The following MGAT4C variants were observed in gnomAD, a reference collection of about 807,000 sequenced individuals.
The protein encoded by MGAT4C is alpha-1,3-mannosyl-glycoprotein 4-beta-N-acetylglucosaminyltransferase C.
A neutral mutation model predicts 40.1 loss-of-function variants in MGAT4C; 19 were observed. The ratio of observed to expected loss-of-function variants is 0.47; its 90% CI spans 0.33 to 0.70. The LOEUF (loss-of-function observed/expected upper bound fraction) is 0.70, where lower values mean the gene tolerates loss of function less well. MGAT4C is among the 30% of genes least tolerant of loss of function. The pLI, the probability that MGAT4C is intolerant of heterozygous loss-of-function variation, is 0.02. For missense variants in MGAT4C, 491 were observed against 563.2 expected (o/e 0.87, Z 1.30); for synonymous variants, 181 against 187.1 (o/e 0.97, Z 0.27).
chr12:86,665,242 G>A (rs1168872047), intron 2 of MGAT4C, among the ~76,000 whole-genome samples: 1 of 152,178 alleles, frequency 6.6e-6, no homozygotes, highest in African/African-American at 2.4e-5. Flanking sequence ...AGCCCCAAGT[G>A]AGGTGGAAAA....
intron 2 of MGAT4C, among the ~76,000 whole-genome samples, chr12:86,505,097 C>T (rs1958447829): frequency 1.3e-5 from 2 of 152,036 alleles, no homozygotes; most frequent in African/African-American, 4.8e-5. Context: ...AAGTATCTGC[C>T]AGTGATAACG....
At chr12:86,256,778 G>C (rs1479219505), upstream of MGAT4C, among the ~76,000 whole-genome samples, 1 of 152,076 alleles carries the variant, frequency 6.6e-6, no homozygotes, top group Non-Finnish European at 1.5e-5. Context: ...TTTAAATTTT[G>C]TAATTACTTT....
At chr12:86,390,602 T>G (rs915304599) in intron 3 of MGAT4C, among the ~76,000 whole-genome samples, 4 of 152,180 alleles carry the variant, frequency 2.6e-5, no homozygotes, top group Non-Finnish European at 5.9e-5. Context: ...TTCAGACATA[T>G]GAATCACATT....
At chr12:86,739,359 A>G (rs1951031760) in intron 1 of MGAT4C, among the ~76,000 whole-genome samples, 1 of 150,816 alleles carries the variant, frequency 6.6e-6, no homozygotes, top group Non-Finnish European at 1.5e-5. Flanking sequence ...TCAACTTTAA[A>G]ATTTATATAT....
intron 2 of MGAT4C, among the ~76,000 whole-genome samples, chr12:86,709,083 T>G (rs1236546358): frequency 6.6e-6 from 1 of 152,136 alleles, no homozygotes; most frequent in Non-Finnish European, 1.5e-5. Flanking sequence ...CACCCAAATC[T>G]CATCTTGAAT....
At chr12:86,586,124 C>A (rs1043720893) in intron 2 of MGAT4C, among the ~76,000 whole-genome samples, 2 of 128,186 alleles carry the variant, frequency 1.6e-5, no homozygotes, top group African/African-American at 5.9e-5. Flanking sequence ...CAACAGTCCC[C>A]AGAGTGTGAT....
At chr12:86,253,834 A>G (rs1257387501) in intron 1 of MGAT4C, among the ~76,000 whole-genome samples, 2 of 152,000 alleles carry the variant, frequency 1.3e-5, no homozygotes, top group African/African-American at 4.8e-5. Context: ...TCATTACATG[A>G]AACTAATAAA....
Position 85,967,949 on chromosome 12 carries a change from A to G in MGAT4C, c.*11340T>C, listed in dbSNP as rs1422616508. 2 of 152,130 alleles carry G rather than the reference A, an allele frequency of 1.3e-5. No individual in the cohort carries two copies. The highest frequency in any genetic ancestry group is 4.8e-5 in the African/African-American group (2 of 41,454). The allele number at this position is 152,130 out of a possible 1,614,324, so 9.4% of individuals were successfully genotyped here. A position where few individuals can be genotyped will look rare whatever the true frequency, so the allele number is the denominator to read the frequency against. On this transcript the variant is annotated 3_prime_UTR_variant, in exon 5 of 5. Coordinates refer to ENST00000611864, the MANE Select transcript of MGAT4C (RefSeq NM_001351288.2). ...AATACATTATTTCATTTGTGGAAAT[A>G]TATTGAGGCCTATATCAATAACCTC... is the stretch of plus-strand genomic sequence containing the variant.
Position 85,956,168 on chromosome 12 carries a change from T to G in MGAT4C, c.*23121A>C, listed in dbSNP as rs1358206977. The G allele has an allele frequency of 6.6e-6, 1 of 152,238 alleles. No individual in the cohort carries two copies. The highest frequency in any genetic ancestry group is 1.5e-5 in the Non-Finnish European group (1 of 68,024). The allele number at this position is 152,238 out of a possible 1,614,324, so 9.4% of individuals were successfully genotyped here. A position where few individuals can be genotyped will look rare whatever the true frequency, so the allele number is the denominator to read the frequency against. On this transcript the variant is annotated 3_prime_UTR_variant, in exon 5 of 5. Coordinates refer to ENST00000611864, the MANE Select transcript of MGAT4C (RefSeq NM_001351288.2). ...TTGTTTTTCAAATTTGGACATAACC[T>G]TCAACATTGTGTGGAACACAGTGAG...
At chr12:86,749,683 C>G (rs1951204894) in intron 1 of MGAT4C, among the ~76,000 whole-genome samples, 1 of 151,668 alleles carries the variant, frequency 6.6e-6, no homozygotes, top group Non-Finnish European at 1.5e-5. Flanking sequence ...CATCAGATGG[C>G]AAAGAATGCT....
At chr12:86,232,064 C>T (rs1196420053) in intron 1 of MGAT4C, among the ~76,000 whole-genome samples, 1 of 151,576 alleles carries the variant, frequency 6.6e-6, no homozygotes, top group Non-Finnish European at 1.5e-5. Context: ...ATCACTTGAA[C>T]CCGGGAGGCC....
intron 2 of MGAT4C, among the ~76,000 whole-genome samples, chr12:86,505,650 A>G (rs535628573): frequency 6.6e-6 from 1 of 152,354 alleles, no homozygotes; most frequent in African/African-American, 2.4e-5. Flanking sequence ...GAAGTTATTT[A>G]ACACATTTAA....
chr12:86,589,736 A>G (rs1961241669), intron 2 of MGAT4C, among the ~76,000 whole-genome samples: 1 of 152,046 alleles, frequency 6.6e-6, no homozygotes, highest in South Asian at 2.1e-4. Flanking sequence ...CCTGGGATGC[A>G]AGGCTGGTTC....
chr12:86,417,630 G>A (rs1180034648), intron 3 of MGAT4C, among the ~76,000 whole-genome samples: 2 of 152,012 alleles, frequency 1.3e-5, no homozygotes, highest in Admixed American at 6.6e-5. Flanking sequence ...GACATAAATG[G>A]TTGGCTTAAT....
intron 1 of MGAT4C, among the ~76,000 whole-genome samples, chr12:86,100,243 C>A (rs966671518): frequency 6.6e-6 from 1 of 151,264 alleles, no homozygotes; most frequent in African/African-American, 2.4e-5. Context: ...CAATGACATC[C>A]TGTTTTATAT....
intron 2 of MGAT4C, among the ~76,000 whole-genome samples, chr12:86,602,498 A>T (rs1189224467): frequency 6.6e-6 from 1 of 152,230 alleles, no homozygotes; most frequent in East Asian, 1.9e-4. Context: ...TACATCCATG[A>T]ATAGAAACCT....
intron 2 of MGAT4C, among the ~76,000 whole-genome samples, chr12:86,041,041 C>T (rs534492609): frequency 9.9e-5 from 15 of 152,226 alleles, no homozygotes; most frequent in South Asian, 2.1e-4. Context: ...TGAGATGAAT[C>T]GGGTACCTTA....
chr12:86,411,720 G>T (rs1255948788), intron 3 of MGAT4C, among the ~76,000 whole-genome samples: 1 of 152,202 alleles, frequency 6.6e-6, no homozygotes, highest in African/African-American at 2.4e-5. Flanking sequence ...AAAATTGGCT[G>T]CAGAAATCTA....
intron 2 of MGAT4C, among the ~76,000 whole-genome samples, chr12:86,475,101 G>A (rs1468060290): frequency 6.6e-6 from 1 of 151,972 alleles, no homozygotes; most frequent in Non-Finnish European, 1.5e-5. Context: ...AAGTCAGAAT[G>A]CTCTTTTTCA....
Sources: gnomAD v4.1 joint callset for allele counts (sites outside exome capture counted in the v4.1 genomes callset) on GRCh38, gnomAD v4.1.1 for gene constraint, MANE v1.5 for transcripts, NCBI Gene and HGNC (gene_info 2026-07-23, HGNC 2026-07-21) for gene names.